UBE2E2: variants seen among roughly 807,000 people sequenced by gnomAD.
UBE2E2 encodes the protein ubiquitin conjugating enzyme E2 E2.
A neutral mutation model predicts 24.7 loss-of-function variants in UBE2E2; 6 were observed. That is an observed-to-expected ratio of 0.24 (90% CI 0.13 to 0.48). The LOEUF (loss-of-function observed/expected upper bound fraction) is 0.48. UBE2E2 is among the 20% of genes least tolerant of loss of function. The pLI is 0.99. For missense variants in UBE2E2, 169 were observed against 245.0 expected (o/e 0.69, Z 2.07); for synonymous variants, 104 against 83.6 (o/e 1.24, Z -1.33).
chr3:23,391,177 C>T (rs887226395), intron 3 of UBE2E2, among the ~76,000 whole-genome samples: 1 of 152,128 alleles, frequency 6.6e-6, no homozygotes, highest in Non-Finnish European at 1.5e-5. Flanking sequence ...ATACAGCCAG[C>T]CAGTAGCATT....
chr3:23,355,742 C>G (rs185967496), intron 3 of UBE2E2, among the ~76,000 whole-genome samples: 1 of 152,278 alleles, frequency 6.6e-6, no homozygotes, highest in East Asian at 1.9e-4. Context: ...ATCTATAAAA[C>G]CTGTATTGCA....
intron 3 of UBE2E2, among the ~76,000 whole-genome samples, chr3:23,484,628 G>A (rs748562759): frequency 6.6e-6 from 1 of 152,034 alleles, no homozygotes; most frequent in Non-Finnish European, 1.5e-5. Flanking sequence ...CTCCATTTTC[G>A]TACTGCTGTG....
At chr3:23,241,465 C>T (rs1369105067) in intron 3 of UBE2E2, among the ~76,000 whole-genome samples, 1 of 152,170 alleles carries the variant, frequency 6.6e-6, no homozygotes, top group East Asian at 1.9e-4. Context: ...CCCCCTTTGT[C>T]TCTCTGACCT....
At chr3:23,565,816 C>G (rs975724016) in intron 5 of UBE2E2, among the ~76,000 whole-genome samples, 1 of 152,206 alleles carries the variant, frequency 6.6e-6, no homozygotes, top group African/African-American at 2.4e-5. Flanking sequence ...TCGCAGATCA[C>G]TTTGATAAGC....
chr3:23,361,549 A>G (rs1233374176), intron 3 of UBE2E2, among the ~76,000 whole-genome samples: 2 of 152,234 alleles, frequency 1.3e-5, no homozygotes, highest in African/African-American at 4.8e-5. Context: ...GAGCTGGTGG[A>G]CATTATTCTA....
intron 3 of UBE2E2, among the ~76,000 whole-genome samples, chr3:23,427,665 A>G (rs915581656): frequency 3.3e-5 from 5 of 152,208 alleles, no homozygotes; most frequent in Admixed American, 6.5e-5. Context: ...TATGTTGTCT[A>G]TAAGAATCCT....
upstream of UBE2E2, chr3:23,203,145 C>T (rs1696003962): frequency 2.0e-6 from 2 of 984,870 alleles, no homozygotes; most frequent in Admixed American, 1.2e-4. Flanking sequence ...GCGGCGGCTC[C>T]CGGAGGTGGT....
At chr3:23,377,557 A>G (rs1181345945) in intron 3 of UBE2E2, among the ~76,000 whole-genome samples, 2 of 152,218 alleles carry the variant, frequency 1.3e-5, no homozygotes, top group Admixed American at 6.5e-5. Flanking sequence ...CTGCTTATCT[A>G]TGAGATCATG....
In UBE2E2 at chr3:23,475,812, A is replaced by G. The variant is rs374915741; in HGVS notation, c.228-23796A>G. On this transcript the variant is annotated intron_variant, in intron 3 of 5. Transcript: ENST00000396703. ...ACAATTTAAGACAACCCACCAGAACAGGCAAGAATGCTAGGTACATCATGC... is the reference window on the plus strand; with the variant it reads ...ACAATTTAAGACAACCCACCAGAACGGGCAAGAATGCTAGGTACATCATGC... Among the ~76,000 whole-genome samples, 12 of 152,184 alleles carry G rather than the reference A, an allele frequency of 7.9e-5. No homozygotes were observed. The East Asian group carries it at 9.6e-4, about 12-fold the overall frequency.
intron 5 of UBE2E2, among the ~76,000 whole-genome samples, chr3:23,584,438 G>T (rs1210102672): frequency 1.3e-5 from 2 of 151,918 alleles, no homozygotes; most frequent in Non-Finnish European, 2.9e-5. Flanking sequence ...ACCCAGTGTA[G>T]CTCCATCCAT....
rs1372139018 is a variant in UBE2E2, at chr3:23,588,005, C to T, written c.509-1729C>T. On this transcript the variant is annotated intron_variant, in intron 5 of 5. Coordinates refer to ENST00000396703, the MANE Select transcript of UBE2E2 (RefSeq NM_152653.4). The stretch of plus-strand genomic sequence containing the variant: ...ACTTAAGCAAGTCTTGTTGAGCAGG[C>T]TTTCAAAGGCTTTGTTATCATGAGC... 2.0e-5 allele frequency among the ~76,000 whole-genome samples: 3 copies of T among 152,308 alleles called. No homozygotes were observed. In the East Asian group the frequency reaches 5.8e-4, roughly 29 times the overall value.
chr3:23,323,428 C>T (rs1694798536), intron 3 of UBE2E2: 1 of 328,022 alleles, frequency 3.0e-6, no homozygotes, highest in Admixed American at 4.2e-5. Context: ...TTGGCATGAC[C>T]CCAGGGCTAG....
At chr3:23,441,538 C>CAAAAAAA (rs147766521) in intron 3 of UBE2E2, among the ~76,000 whole-genome samples, 6 of 95,792 alleles carry the variant, frequency 6.3e-5, no homozygotes, top group East Asian at 3.3e-4. Context: ...GACTCCGTCT[C>CAAAAAAA]AAAAAAAAAA....
In UBE2E2 at chr3:23,520,007, C is replaced by T. The variant is rs557138093; in HGVS notation, c.361-12547C>T. On this transcript the variant is annotated intron_variant, in intron 4 of 5. Transcript: ENST00000396703. ...TACATGCTTGATCATTTTGTCAGAA[C>T]TTGATCTGAGAAACCTGTTGAATCC... Among the ~76,000 whole-genome samples, 3 of 152,262 alleles carry T rather than the reference C, an allele frequency of 2.0e-5. 1 individual carries two copies. The highest frequency in any genetic ancestry group is 7.2e-5 in the African/African-American group (3 of 41,546).
intron 5 of UBE2E2, among the ~76,000 whole-genome samples, chr3:23,538,882 AAAAAT>A: frequency 6.6e-6 from 1 of 152,336 alleles, no homozygotes; most frequent in Non-Finnish European, 1.5e-5. Flanking sequence ...TCAATTCTGT[AAAAAT>A]AAACCATTTC....
intron 3 of UBE2E2, among the ~76,000 whole-genome samples, chr3:23,317,674 C>T (rs1694623884): frequency 6.6e-6 from 1 of 151,954 alleles, no homozygotes; most frequent in Non-Finnish European, 1.5e-5. Context: ...TCATTGTAAA[C>T]CCATCAGGTC....
At chr3:23,213,301 A>G (rs1393353298) in intron 2 of UBE2E2, among the ~76,000 whole-genome samples, 2 of 152,068 alleles carry the variant, frequency 1.3e-5, no homozygotes, top group Non-Finnish European at 1.5e-5. Context: ...AGCCCAATAT[A>G]TTGATGTTAA....
intron 3 of UBE2E2, among the ~76,000 whole-genome samples, chr3:23,465,445 C>T (rs901732142): frequency 3.9e-5 from 6 of 152,158 alleles, no homozygotes; most frequent in African/African-American, 1.2e-4. Flanking sequence ...AACTTGGTAC[C>T]GTAACTTTTA....
chr3:23,505,053 ACAC>A (rs1694407382), intron 4 of UBE2E2, among the ~76,000 whole-genome samples: 1 of 149,206 alleles, frequency 6.7e-6, no homozygotes, highest in Non-Finnish European at 1.5e-5. Flanking sequence ...CTACAGGCAC[ACAC>A]CACCACACCT....
Sources: allele counts gnomAD v4.1 joint callset (sites outside exome capture counted in the v4.1 genomes callset), GRCh38; gene constraint gnomAD v4.1.1; transcripts MANE v1.5; gene names NCBI Gene and HGNC (gene_info 2026-07-23, HGNC 2026-07-21).